KLK11: variants seen among roughly 807,000 people sequenced by gnomAD.
KLK11 encodes kallikrein related peptidase 11, also known as kallikrein-11.
In KLK11, 10 loss-of-function variants were observed where a neutral mutation model predicts 23.4. The observed-to-expected ratio is 0.43, with a 90% CI of 0.26 to 0.73. The LOEUF (loss-of-function observed/expected upper bound fraction) is 0.73. Among genes scored for constraint, KLK11 ranks in the 30% least tolerant of loss-of-function variants. The pLI is 0.22. For synonymous variants in KLK11, 131 were observed against 131.7 expected (o/e 0.99, Z 0.03); for missense variants, 285 against 327.8 (o/e 0.87, Z 1.01).
chr19:51,025,679 AG>A lies in KLK11; in HGVS notation c.-35-14del. 6.8e-7 allele frequency: 1 copy of A among 1,465,574 alleles called. No homozygotes were observed. Among genetic ancestry groups the A allele is most frequent in the Non-Finnish European group, 9.3e-7 (1 of 1,078,754 alleles). The allele number at this position is 1,465,574 out of a possible 1,614,324, so 90.8% of individuals were successfully genotyped here. On this transcript the variant is annotated splice_polypyrimidine_tract_variant and intron_variant, in intron 1 of 5. Transcript: ENST00000453757. This position sits in a 1 kb window ranked among gnomAD's most constrained non-coding sequence, Gnocchi z 6.2. ...GCCCCAGGTTCCTCTGGGAACAAGG[AG>A]GGACATGGGGCCGCATCACTTTACG...
Position 51,022,347 on chromosome 19 carries a change from T to C in KLK11, c.*198A>G, listed in dbSNP as rs1213517416. 1 of 614,714 alleles carries C rather than the reference T, an allele frequency of 1.6e-6. No individual in the cohort carries two copies. The highest frequency in any genetic ancestry group is 2.9e-6 in the Non-Finnish European group (1 of 348,578). 38.1% of individuals were successfully genotyped at this position (614,714 alleles called of 1,614,324 possible). A position where few individuals can be genotyped will look rare whatever the true frequency, so the allele number is the denominator to read the frequency against. On this transcript the variant is annotated 3_prime_UTR_variant, in exon 6 of 6. Coordinates refer to ENST00000453757, the MANE Select transcript of KLK11 (RefSeq NM_001136032.3). The stretch of plus-strand genomic sequence containing the variant: ...TTGTCATTCCCAGAGTCACAATATT[T>C]CAAGGCAGAATTTGAATCCAGGTCT...
intron 4 of KLK11, 179 bp from the exon 5 acceptor site, chr19:51,023,407 C>T: frequency 1.7e-6 from 1 of 604,798 alleles, no homozygotes; most frequent in Non-Finnish European, 2.6e-6. Flanking sequence ...TTTTTCGAGA[C>T]AGAGTCTTGC....
rs530535117 is a variant in KLK11, at chr19:51,025,876, T to C, written c.-35-210A>G. On this transcript the variant is annotated intron_variant, in intron 1 of 5. Transcript: ENST00000453757. This position sits in a 1 kb window ranked among gnomAD's most constrained non-coding sequence, Gnocchi z 6.2. The stretch of plus-strand genomic sequence containing the variant: ...GTCTAGGGTGGCCTTGGAGAGGGCC[T>C]GGTCACAGCTAGAAGCTTCCGAGAT... 2.1e-5 allele frequency: 9 copies of C among 419,014 alleles called. No individual in the cohort carries two copies. The South Asian group carries it at 4.7e-4, about 22-fold the overall frequency. 26.0% of individuals were successfully genotyped at this position (419,014 alleles called of 1,614,324 possible).
rs995249148 is a variant in KLK11, at chr19:51,024,905, C to T, written c.41-111G>A. 1.8e-5 allele frequency: 19 copies of T among 1,065,822 alleles called. No individual in the cohort carries two copies. The highest frequency in any genetic ancestry group is 2.1e-4 in the Middle Eastern group (1 of 4,710). 66.0% of individuals were successfully genotyped at this position (1,065,822 alleles called of 1,614,324 possible). On this transcript the variant is annotated intron_variant, in intron 2 of 5. Transcript: ENST00000453757. This position sits in a 1 kb window ranked among gnomAD's most constrained non-coding sequence, Gnocchi z 6.2. ...AGAAAGAGAGTGGGTGGTCTGGGCC[C>T]TGGTCTGGTGTCCCTCTGGGTTGCC...
rs892067287 is a variant in KLK11, at chr19:51,022,682, G to T, written c.616C>A (p.Pro206Thr). The change falls in exon 6 of 6, where the codon CCT (proline) becomes ACT (threonine). Residue 206 changes from proline (P) to threonine (T), a missense_variant. By Grantham distance (38) the Pro-to-Thr change is conservative. Coordinates refer to ENST00000453757, the MANE Select transcript of KLK11 (RefSeq NM_001136032.3). ...TGAAGAGACTGGTTACAGACCAGAG[G>T]GCCCCCGGAGTCACCCTGGGCACGG... The part of the protein sequence containing the change: ...KDSCQGDSGG[P>T]LVCNQSLQGI... 11 of 1,612,908 alleles carry T rather than the reference G, an allele frequency of 6.8e-6. No homozygotes were observed. The highest frequency in any genetic ancestry group is 5.0e-5 in the Admixed American group (3 of 59,996).
At chr19:51,023,939 C>T in intron 4 of KLK11, 106 bp downstream of exon 4, 1 of 1,011,738 alleles carries the variant, frequency 9.9e-7, no homozygotes, top group Non-Finnish European at 1.4e-6. Flanking sequence ...CTCAACTTAT[C>T]CCACATCGTC....
chr19:51,023,110 C>A lies in KLK11; in HGVS notation c.582G>T (p.Gly194=). Residue 194 remains glycine, a synonymous_variant, in exon 5 of 6, where the codon GGG becomes GGT. Transcript: ENST00000453757. ...CACTGACCTGGCAGGAGTCCTTGCC[C>A]CCTTCCTGCACGCTGGCACACACCA... is the stretch of plus-strand genomic sequence containing the variant. ...DTMVCASVQE[G]GKDSCQGDSG... is the part of the protein sequence containing the mutation. The A allele has an allele frequency of 6.2e-7, 1 of 1,610,280 alleles. No individual in the cohort carries two copies. Among genetic ancestry groups the A allele is most frequent in the South Asian group, 1.1e-5 (1 of 90,094 alleles).
In KLK11 at chr19:51,023,913, G is replaced by A. The variant is rs150670595; in HGVS notation, c.463+132C>T. The A allele has an allele frequency of 5.1e-4, 424 of 828,198 alleles. 4 individuals are homozygous for A. In the African/African-American group the frequency reaches 6.2e-3, roughly 12 times the overall value. 51.3% of individuals were successfully genotyped at this position (828,198 alleles called of 1,614,324 possible). ...TTTGTCCCCACCCCCCTATCCTGAC[G>A]TTTTCCACACATCCTCTCAACTTAT... On this transcript the variant is annotated intron_variant, in intron 4 of 5. Coordinates refer to ENST00000453757, the MANE Select transcript of KLK11 (RefSeq NM_001136032.3).
rs201524286 is a variant in KLK11, at chr19:51,025,588, G to A, written c.40+4C>T. 269 of 1,570,834 alleles carry A rather than the reference G, an allele frequency of 1.7e-4. 1 individual carries two copies. In the African/African-American group the frequency reaches 2.2e-3, roughly 13 times the overall value. On this transcript the variant is annotated splice_donor_region_variant and intron_variant, in intron 2 of 5. Transcript: ENST00000453757. This position sits in a 1 kb window ranked among gnomAD's most constrained non-coding sequence, Gnocchi z 6.2. The stretch of plus-strand genomic sequence containing the variant: ...ATCCTGCCCTGCCCCCATCCCCTGC[G>A]TACCTGTTGCCAGAGCAAGCAGGAT...
In KLK11 at chr19:51,023,086, A is replaced by G; in HGVS notation, c.600+6T>C. ...GGATGGGGCTGTGGTTGGAGACCAC[A>G]CTGACCTGGCAGGAGTCCTTGCCCC... On this transcript the variant is annotated splice_donor_region_variant and intron_variant, in intron 5 of 5. Coordinates refer to ENST00000453757, the MANE Select transcript of KLK11 (RefSeq NM_001136032.3). 6.2e-7 allele frequency: 1 copy of G among 1,602,172 alleles called. No individual in the cohort carries two copies. Among genetic ancestry groups the G allele is most frequent in the Non-Finnish European group, 8.5e-7 (1 of 1,174,426 alleles).
rs771002092 is a variant in KLK11 at position 51,025,643 on chromosome 19, G to A, written c.-12C>T. 2.4e-5 allele frequency: 38 copies of A among 1,585,710 alleles called. No individual in the cohort carries two copies. In the East Asian group the frequency reaches 8.9e-4, roughly 37 times the overall value. ...TGCAGAATCCTCATGGCCTGGAGGGGGGAGGAGCGGGCCCCAGGTTCCTCT... is the reference window on the plus strand; with the variant it reads ...TGCAGAATCCTCATGGCCTGGAGGGAGGAGGAGCGGGCCCCAGGTTCCTCT... On this transcript the variant is annotated 5_prime_UTR_variant, in exon 2 of 6. Coordinates refer to ENST00000453757, the MANE Select transcript of KLK11 (RefSeq NM_001136032.3). The surrounding 1 kb of genome is among the most constrained non-coding windows in gnomAD (Gnocchi z 6.2).
intron 4 of KLK11, 156 bp from the exon 5 acceptor site, chr19:51,023,384 C>CTTTTTTTTT (rs780238378): frequency 2.2e-6 from 1 of 452,316 alleles, no homozygotes; most frequent in African/African-American, 2.5e-5. Flanking sequence ...TGCTATCCAG[C>CTTTTTTTTT]TTTTTTTTTT....
chr19:51,023,343 A>G, intron 4 of KLK11, 115 bp from the exon 5 acceptor site: 1 of 1,221,900 alleles, frequency 8.2e-7, no homozygotes, highest in Non-Finnish European at 1.1e-6. Context: ...CAGCCAACTC[A>G]CCTCTCTTCT....
chr19:51,025,508 C>A lies in KLK11; in HGVS notation c.40+84G>T. 1 of 904,136 alleles carries A rather than the reference C, an allele frequency of 1.1e-6. No homozygotes were observed. Among genetic ancestry groups the A allele is most frequent in the Non-Finnish European group, 1.6e-6 (1 of 613,350 alleles). The allele number at this position is 904,136 out of a possible 1,614,324, so 56.0% of individuals were successfully genotyped here. On this transcript the variant is annotated intron_variant, in intron 2 of 5. Coordinates refer to ENST00000453757, the MANE Select transcript of KLK11 (RefSeq NM_001136032.3). The surrounding 1 kb of genome is among the most constrained non-coding windows in gnomAD (Gnocchi z 6.2). The stretch of plus-strand genomic sequence containing the variant: ...GGTTGTTCTGTAATTTGGAATCAGC[C>A]CTGTCACTGTCCAGACACAGAGGGT...
At chr19:51,023,970 T>G in intron 4 of KLK11, 75 bp downstream of exon 4, 1 of 1,206,858 alleles carries the variant, frequency 8.3e-7, no homozygotes, top group South Asian at 1.8e-5. Context: ...GCATCTCTGA[T>G]GCCCTGAACC....
rs2091468058 is a variant in KLK11, at chr19:51,025,446, GC to G, written c.40+145del. 2.6e-5 allele frequency: 13 copies of G among 497,950 alleles called. No homozygotes were observed. In the South Asian group the frequency reaches 5.4e-4, roughly 21 times the overall value. 30.8% of individuals were successfully genotyped at this position (497,950 alleles called of 1,614,324 possible). A position where few individuals can be genotyped will look rare whatever the true frequency, so the allele number is the denominator to read the frequency against. ...AGGGATTATCTAGAAGGGCATCCAG[GC>G]CCTCATGACCACTGCTCCAGTTCAG... is the stretch of plus-strand genomic sequence containing the variant. On this transcript the variant is annotated intron_variant, in intron 2 of 5. Coordinates refer to ENST00000453757, the MANE Select transcript of KLK11 (RefSeq NM_001136032.3). The surrounding 1 kb of genome is among the most constrained non-coding windows in gnomAD (Gnocchi z 6.2).
intron 5 of KLK11, 146 bp from the exon 6 acceptor site, chr19:51,022,843 G>T: frequency 1.0e-6 from 1 of 996,586 alleles, no homozygotes. Context: ...ATAAAGCTGG[G>T]ATTATGGGTG....
In KLK11 at chr19:51,024,836, G is replaced by C; in HGVS notation, c.41-42C>G. On this transcript the variant is annotated intron_variant, in intron 2 of 5. Transcript: ENST00000453757. This position sits in a 1 kb window ranked among gnomAD's most constrained non-coding sequence, Gnocchi z 6.2. ...CAAAAGAAGGGGCTCAGGAAGGAGA[G>C]GTGGTAGACCAGGAGGACTCCCAGA... is the stretch of plus-strand genomic sequence containing the variant. The C allele has an allele frequency of 6.6e-7, 1 of 1,512,442 alleles. No homozygotes were observed. The highest frequency in any genetic ancestry group is 1.3e-5 in the South Asian group (1 of 76,306). 93.7% of individuals were successfully genotyped at this position (1,512,442 alleles called of 1,614,324 possible).
rs2091474740 is a variant in KLK11, at chr19:51,025,716, G to A, written c.-35-50C>T. 2 of 767,292 alleles carry A rather than the reference G, an allele frequency of 2.6e-6. No homozygotes were observed. Among genetic ancestry groups the A allele is most frequent in the East Asian group, 3.0e-5 (1 of 33,206 alleles). The allele number at this position is 767,292 out of a possible 1,614,324, so 47.5% of individuals were successfully genotyped here. Reference sequence around the variant, plus strand: ...CCGCATCACTTTACGGGGAAATCGGGAGGGGGGGGCTGGCTCATGCCCTCT... The same window carrying A: ...CCGCATCACTTTACGGGGAAATCGGAAGGGGGGGGCTGGCTCATGCCCTCT... On this transcript the variant is annotated intron_variant, in intron 1 of 5. Transcript: ENST00000453757. This position sits in a 1 kb window ranked among gnomAD's most constrained non-coding sequence, Gnocchi z 6.2.
Sources: gnomAD v4.1 joint callset for allele counts on GRCh38, gnomAD v4.1.1 for gene constraint, Gnocchi (gnomAD v3.1) non-coding constraint, MANE v1.5 for transcripts, NCBI Gene and HGNC (gene_info 2026-07-23, HGNC 2026-07-21) for gene names.